Variants in HS6ST3 observed in about 807,000 individuals in gnomAD.
HS6ST3 encodes the protein heparan sulfate 6-O-sulfotransferase 3.
HS6ST3 carries 12 observed loss-of-function variants against 36.7 expected under a neutral mutation model. That is an observed-to-expected ratio of 0.33 (90% CI 0.21 to 0.53). The LOEUF is 0.53. Among genes scored for constraint, HS6ST3 ranks in the 20% least tolerant of loss-of-function variants. HS6ST3 has a pLI of 0.95. For missense variants in HS6ST3, 584 were observed against 640.9 expected (o/e 0.91, Z 0.96); for synonymous variants, 240 against 257.5 (o/e 0.93, Z 0.65).
chr13:96,254,386 C>T (rs541189914), intron 1 of HS6ST3, among the ~76,000 whole-genome samples: 133 of 125,282 alleles, frequency 1.1e-3, no homozygotes, highest in African/African-American at 3.9e-3. Flanking sequence ...TGCACTCCAG[C>T]CTGGGCGATA....
chr13:96,360,782 A>G (rs2055234357), intron 1 of HS6ST3, among the ~76,000 whole-genome samples: 1 of 151,944 alleles, frequency 6.6e-6, no homozygotes, highest in Admixed American at 6.6e-5. Flanking sequence ...CCTCGTCTCT[A>G]CTAAAAATAC....
chr13:96,700,674 C>T (rs1875261868), intron 1 of HS6ST3, among the ~76,000 whole-genome samples: 1 of 152,124 alleles, frequency 6.6e-6, no homozygotes, highest in Non-Finnish European at 1.5e-5. Flanking sequence ...CTTTGCTTGT[C>T]ACACTGTGTC....
At chr13:96,458,670 G>A (rs2055766338) in intron 1 of HS6ST3, among the ~76,000 whole-genome samples, 1 of 151,514 alleles carries the variant, frequency 6.6e-6, no homozygotes, top group Non-Finnish European at 1.5e-5. Context: ...TCTTTGAACT[G>A]CAGTTTGAGA....
At chr13:96,093,938 C>G (rs1408408401) in intron 1 of HS6ST3, among the ~76,000 whole-genome samples, 1 of 152,144 alleles carries the variant, frequency 6.6e-6, no homozygotes, top group Non-Finnish European at 1.5e-5. Context: ...GGTTCTACTT[C>G]AAATAGGGCT....
chr13:96,796,539 A>G (rs1877916516), intron 1 of HS6ST3, among the ~76,000 whole-genome samples: 1 of 152,120 alleles, frequency 6.6e-6, no homozygotes, highest in African/African-American at 2.4e-5. Context: ...TGATTGGCTG[A>G]GAGAAAATTT....
At chr13:96,221,378 G>A (rs190741550) in intron 1 of HS6ST3, among the ~76,000 whole-genome samples, 1 of 152,172 alleles carries the variant, frequency 6.6e-6, no homozygotes, top group East Asian at 1.9e-4. Flanking sequence ...TTGCCTGTGG[G>A]GTATTCCCAG....
At chr13:96,381,136 T>C (rs1423606777) in intron 1 of HS6ST3, among the ~76,000 whole-genome samples, 4 of 152,358 alleles carry the variant, frequency 2.6e-5, no homozygotes, top group Admixed American at 2.6e-4. Flanking sequence ...ACATGAATTG[T>C]GTGCTGCTCT....
chr13:96,778,097 G>T (rs1456973231), intron 1 of HS6ST3, among the ~76,000 whole-genome samples: 1 of 152,166 alleles, frequency 6.6e-6, no homozygotes, highest in Non-Finnish European at 1.5e-5. Flanking sequence ...TTAATAAATG[G>T]TGTTGGGAAA....
At chr13:96,226,987 A>G (rs1299389330) in intron 1 of HS6ST3, among the ~76,000 whole-genome samples, 1 of 152,208 alleles carries the variant, frequency 6.6e-6, no homozygotes, top group African/African-American at 2.4e-5. Context: ...ATATTTTTAT[A>G]TCATTTAAAA....
At chr13:96,220,697 T>C (rs2139362328) in intron 1 of HS6ST3, among the ~76,000 whole-genome samples, 1 of 152,318 alleles carries the variant, frequency 6.6e-6, no homozygotes, top group African/African-American at 2.4e-5. Flanking sequence ...CTTCTATAAA[T>C]TCACATATTA....
chr13:96,121,544 G>A (rs1348937211), intron 1 of HS6ST3, among the ~76,000 whole-genome samples: 1 of 152,240 alleles, frequency 6.6e-6, no homozygotes, highest in East Asian at 1.9e-4. Context: ...TGAAGCAGTA[G>A]ATGGCCACAA....
intron 1 of HS6ST3, among the ~76,000 whole-genome samples, chr13:96,664,070 A>G (rs771206953): frequency 3.3e-5 from 5 of 152,150 alleles, no homozygotes; most frequent in Non-Finnish European, 7.4e-5. Flanking sequence ...TGCCAACTCT[A>G]TAAATTTATT....
At chr13:96,170,015 G>A (rs183525126) in intron 1 of HS6ST3, among the ~76,000 whole-genome samples, 1 of 152,284 alleles carries the variant, frequency 6.6e-6, no homozygotes, top group East Asian at 1.9e-4. Flanking sequence ...GTTGAAGGAT[G>A]GGAAGAAGAA....
chr13:96,706,681 G>A (rs574092792), intron 1 of HS6ST3, among the ~76,000 whole-genome samples: 2 of 151,816 alleles, frequency 1.3e-5, no homozygotes, highest in African/African-American at 2.4e-5. Context: ...ACAATCCATC[G>A]TCCCCTGCTT....
intron 1 of HS6ST3, among the ~76,000 whole-genome samples, chr13:96,717,141 A>G (rs1875718653): frequency 6.6e-6 from 1 of 152,228 alleles, no homozygotes; most frequent in South Asian, 2.1e-4. Context: ...AACATTGCTC[A>G]GTTTTTGAAC....
At chr13:96,491,919 T>C (rs536067608) in intron 1 of HS6ST3, among the ~76,000 whole-genome samples, 2 of 152,164 alleles carry the variant, frequency 1.3e-5, no homozygotes, top group Non-Finnish European at 2.9e-5. Flanking sequence ...TGGAGATAGA[T>C]CTAGTCTCAA....
chr13:96,138,144 TAATTTACAA>T (rs2054011728), intron 1 of HS6ST3, among the ~76,000 whole-genome samples: 1 of 152,176 alleles, frequency 6.6e-6, no homozygotes, highest in Non-Finnish European at 1.5e-5. Flanking sequence ...AATTTAAAAG[TAATTTACAA>T]AATCTGTTAT....
chr13:96,654,762 A>G (rs998983766), intron 1 of HS6ST3, among the ~76,000 whole-genome samples: 3 of 152,136 alleles, frequency 2.0e-5, no homozygotes, highest in African/African-American at 7.2e-5. Flanking sequence ...ACTGCTTGTA[A>G]AAACTAAATA....
chr13:96,435,297 T>C (rs1486897678), intron 1 of HS6ST3, among the ~76,000 whole-genome samples: 1 of 152,222 alleles, frequency 6.6e-6, no homozygotes, highest in East Asian at 1.9e-4. Context: ...CTTTCCAAGA[T>C]AGAAGTGTCT....
Sources: allele counts gnomAD v4.1 joint callset (sites outside exome capture counted in the v4.1 genomes callset), GRCh38; gene constraint gnomAD v4.1.1; transcripts MANE v1.5; gene names NCBI Gene and HGNC (gene_info 2026-07-23, HGNC 2026-07-21).